EYA2: variants seen among roughly 807,000 people sequenced by gnomAD.
The protein encoded by EYA2 is EYA transcriptional coactivator and phosphatase 2.
A neutral mutation model predicts 69.2 loss-of-function variants in EYA2; 31 were observed. The observed-to-expected ratio is 0.45, with a 90% confidence interval of 0.34 to 0.60. EYA2 has a LOEUF of 0.60. Ranked by LOEUF, EYA2 falls within the 20% of genes least tolerant of loss-of-function variation. EYA2 has a pLI of 0.02. For missense variants in EYA2, 622 were observed against 701.2 expected, an observed-to-expected ratio of 0.89 and a Z score of 1.28; for synonymous variants, 257 against 279.4, an observed-to-expected ratio of 0.92 and a Z score of 0.80.
At chr20:46,982,888 C>T (rs977713594) in intron 1 of EYA2, among the ~76,000 whole-genome samples, 2 of 151,858 alleles carry the variant, frequency 1.3e-5, no homozygotes, top group African/African-American at 4.8e-5. Context: ...ATTCTCCTGC[C>T]TCAGCCTGCC....
At chr20:46,944,653 A>G (rs1375946393) in intron 1 of EYA2, among the ~76,000 whole-genome samples, 1 of 152,152 alleles carries the variant, frequency 6.6e-6, no homozygotes, top group Non-Finnish European at 1.5e-5. Flanking sequence ...AGGACCTGGC[A>G]TATAATTCCT....
chr20:46,964,265 G>C (rs1197892480), intron 1 of EYA2, among the ~76,000 whole-genome samples: 1 of 152,208 alleles, frequency 6.6e-6, no homozygotes, highest in Non-Finnish European at 1.5e-5. Flanking sequence ...CAATTAAAGA[G>C]GTTTTAGTGG....
chr20:47,088,448 T>A (rs574551330), intron 7 of EYA2, among the ~76,000 whole-genome samples: 144 of 152,046 alleles, frequency 9.5e-4, no homozygotes, highest in Non-Finnish European at 1.7e-3. Context: ...ATTGAGAGAG[T>A]TGTAAATGCA....
intron 5 of EYA2, among the ~76,000 whole-genome samples, chr20:47,039,965 C>T (rs4810597): frequency 0.14 from 20,812 of 150,572 alleles, 1,536 homozygotes; most frequent in African/African-American, 0.16. Flanking sequence ...CTCAGCCTCC[C>T]GAGTAGCTGG....
intron 9 of EYA2, among the ~76,000 whole-genome samples, chr20:47,098,253 G>C (rs565555997): frequency 7.4e-4 from 112 of 152,324 alleles, no homozygotes; most frequent in African/African-American, 2.7e-3. Context: ...GCACAGCTTA[G>C]GTAAAAGATG....
At chr20:47,172,947 C>A (rs185770610) in intron 12 of EYA2, 80 bp downstream of exon 12, 4 of 1,500,876 alleles carry the variant, frequency 2.7e-6, no homozygotes, top group Admixed American at 2.0e-5. Context: ...CTGTGCCAGG[C>A]GCCAGGCAGA....
At chr20:47,035,092 G>A (rs1028257943) in intron 5 of EYA2, among the ~76,000 whole-genome samples, 5 of 152,294 alleles carry the variant, frequency 3.3e-5, no homozygotes, top group East Asian at 3.9e-4. Flanking sequence ...TTCAAGGGAC[G>A]CAACTCTACC....
intron 5 of EYA2, among the ~76,000 whole-genome samples, chr20:47,023,477 T>C (rs1163391985): frequency 6.6e-6 from 1 of 152,168 alleles, no homozygotes; most frequent in Non-Finnish European, 1.5e-5. Context: ...TTTCAGCCAA[T>C]ATTTCTTCAA....
In EYA2 at chr20:47,035,943, C is replaced by A. The variant is rs547952949; in HGVS notation, c.415+19646C>A. ...GGAGAATCACTTGAGCCTGGGCAGT[C>A]GAGGCTGCAGTGAGCTGTGATTGTG... On this transcript the variant is annotated intron_variant, in intron 5 of 15. Transcript: ENST00000327619. 1.3e-5 allele frequency among the ~76,000 whole-genome samples: 2 copies of A among 152,154 alleles called. 1 individual carries two copies. Among genetic ancestry groups the A allele is most frequent in the African/African-American group, 4.8e-5 (2 of 41,500 alleles).
intron 9 of EYA2, among the ~76,000 whole-genome samples, chr20:47,122,423 A>T (rs560253198): frequency 8.8e-4 from 132 of 149,662 alleles, no homozygotes; most frequent in Non-Finnish European, 1.6e-3. Flanking sequence ...CCTCCCAAGT[A>T]GCTGGGTCTA....
intron 7 of EYA2, among the ~76,000 whole-genome samples, chr20:47,075,335 T>C (rs2031475799): frequency 3.3e-5 from 5 of 152,226 alleles, no homozygotes; most frequent in Non-Finnish European, 7.3e-5. Context: ...CAAACTGTGA[T>C]AAGGAGAGGC....
chr20:47,124,468 C>A (rs1018710530), intron 9 of EYA2, among the ~76,000 whole-genome samples: 3 of 152,172 alleles, frequency 2.0e-5, no homozygotes, highest in African/African-American at 2.4e-5. Context: ...GTGACGACTA[C>A]TAATAATAAG....
intron 5 of EYA2, among the ~76,000 whole-genome samples, chr20:47,062,059 G>A (rs533187162): frequency 5.9e-5 from 9 of 152,244 alleles, no homozygotes; most frequent in South Asian, 4.2e-4. Context: ...CCAAGGCAGC[G>A]TCTCAAAACA....
At chr20:46,971,455 T>A (rs1378408926) in intron 1 of EYA2, among the ~76,000 whole-genome samples, 2 of 152,238 alleles carry the variant, frequency 1.3e-5, no homozygotes, top group Non-Finnish European at 2.9e-5. Context: ...CTAACCTACA[T>A]GTTACTTGCA....
chr20:47,020,074 G>A (rs755136643), intron 5 of EYA2, among the ~76,000 whole-genome samples: 1 of 151,908 alleles, frequency 6.6e-6, no homozygotes, highest in African/African-American at 2.4e-5. Flanking sequence ...GTTCAAGGTT[G>A]CAGTGAGCTA....
chr20:47,164,425 T>G (rs2034138768), intron 10 of EYA2, among the ~76,000 whole-genome samples: 1 of 152,202 alleles, frequency 6.6e-6, no homozygotes, highest in African/African-American at 2.4e-5. Context: ...CCCAGAGGCC[T>G]GAGCCCGGGT....
intron 12 of EYA2, among the ~76,000 whole-genome samples, chr20:47,177,562 T>G (rs1013902314): frequency 3.3e-5 from 5 of 152,320 alleles, no homozygotes; most frequent in South Asian, 4.1e-4. Context: ...TTTGACACTT[T>G]TCAGAAAGAT....
intron 9 of EYA2, among the ~76,000 whole-genome samples, chr20:47,121,244 G>A (rs1283463918): frequency 3.3e-5 from 5 of 152,112 alleles, no homozygotes; most frequent in South Asian, 2.1e-4. Context: ...GGCACCCGCC[G>A]CCACACTCAG....
chr20:47,088,866 C>T (rs969122313), intron 7 of EYA2, among the ~76,000 whole-genome samples: 4 of 152,222 alleles, frequency 2.6e-5, no homozygotes, highest in African/African-American at 4.8e-5. Flanking sequence ...TAAGCCCCCA[C>T]GCCGGGCCCC....
Sources: allele counts gnomAD v4.1 joint callset (sites outside exome capture counted in the v4.1 genomes callset), GRCh38; gene constraint gnomAD v4.1.1; transcripts MANE v1.5; gene names NCBI Gene and HGNC (gene_info 2026-07-23, HGNC 2026-07-21).